Variants in ABAT observed in about 807,000 individuals in gnomAD.
ABAT encodes 4-aminobutyrate aminotransferase, mitochondrial.
In ABAT, 45 loss-of-function variants were observed where a neutral mutation model predicts 64.6. The ratio of observed to expected loss-of-function variants is 0.70; its 90% CI spans 0.55 to 0.89. ABAT has a LOEUF of 0.89. Ranked by LOEUF, ABAT falls within the 40% of genes least tolerant of loss-of-function variation. The pLI is 0.00. For missense variants in ABAT, 633 were observed against 658.4 expected (o/e 0.96, Z 0.42); for synonymous variants, 297 against 250.5 (o/e 1.19, Z -1.75).
chr16:8,744,239 C>T (rs1416957094), intron 2 of ABAT, among the ~76,000 whole-genome samples: 1 of 152,106 alleles, frequency 6.6e-6, no homozygotes, highest in Non-Finnish European at 1.5e-5. Context: ...TTACAGGAAG[C>T]ATGATGCTGG....
intron 6 of ABAT, chr16:8,760,258 C>G (rs1272896156): frequency 6.6e-6 from 1 of 152,236 alleles, no homozygotes; most frequent in Non-Finnish European, 1.5e-5. Context: ...CACATCCTCG[C>G]CAACACGGGG....
chr16:8,742,621 T>C (rs2059194652), intron 2 of ABAT, among the ~76,000 whole-genome samples: 1 of 151,812 alleles, frequency 6.6e-6, no homozygotes, highest in African/African-American at 2.4e-5. Context: ...TCCCAGCACT[T>C]TGGGGGGCCA....
At chr16:8,699,353 G>C (rs8052707) in intron 1 of ABAT, among the ~76,000 whole-genome samples, 1 of 151,864 alleles carries the variant, frequency 6.6e-6, no homozygotes. Context: ...GATCACCTAA[G>C]GTCAGGAGTT....
intron 6 of ABAT, 76 bp from the exon 7 acceptor site, chr16:8,763,993 A>G (rs910882777): frequency 1.6e-6 from 2 of 1,279,326 alleles, no homozygotes; most frequent in Admixed American, 3.4e-5. Flanking sequence ...CACAGGGGCT[A>G]TGAAAAGCAC....
chr16:8,686,610 A>C (rs2057462011), intron 1 of ABAT, among the ~76,000 whole-genome samples: 1 of 152,186 alleles, frequency 6.6e-6, no homozygotes. Context: ...AGGAAATGGA[A>C]ACTCAGAAAG....
chr16:8,780,354 C>G (rs2143005082), intron 15 of ABAT: 1 of 155,440 alleles, frequency 6.4e-6, no homozygotes, highest in Admixed American at 6.2e-5. Context: ...AGCACGTACT[C>G]TATGTCAGGC....
At chr16:8,769,035 G>C (rs1257885702) in intron 11 of ABAT, 62 bp downstream of exon 11, 8 of 1,607,132 alleles carry the variant, frequency 5.0e-6, no homozygotes, top group Non-Finnish European at 6.0e-6. Context: ...GCCGCCCCAA[G>C]ACTTGGGGAG....
intron 9 of ABAT, 44 bp from the exon 10 acceptor site, chr16:8,768,149 C>T (rs766162227): frequency 1.3e-6 from 2 of 1,583,358 alleles, no homozygotes; most frequent in Non-Finnish European, 8.7e-7. Flanking sequence ...ACAGTTCCCC[C>T]ATCCTTACAA....
intron 1 of ABAT, among the ~76,000 whole-genome samples, chr16:8,712,617 G>A (rs2058101406): frequency 1.3e-5 from 2 of 152,166 alleles, no homozygotes; most frequent in African/African-American, 4.8e-5. Flanking sequence ...TCTGCTTTGT[G>A]GAGTCCCCTT....
chr16:8,779,747 C>G (rs899792275), intron 15 of ABAT, among the ~76,000 whole-genome samples, 157 bp downstream of exon 15: 2 of 152,142 alleles, frequency 1.3e-5, no homozygotes, highest in Non-Finnish European at 2.9e-5. Flanking sequence ...AAGAAGAGAA[C>G]ATTACAAATG....
chr16:8,769,550 C>A (rs1026723642), intron 11 of ABAT, among the ~76,000 whole-genome samples: 8 of 116,398 alleles, frequency 6.9e-5, no homozygotes, highest in African/African-American at 1.4e-4. Context: ...CGGAGTGAGA[C>A]TCTGTCCAAA....
chr16:8,686,785 A>G (rs1468076495), intron 1 of ABAT, among the ~76,000 whole-genome samples: 2 of 152,320 alleles, frequency 1.3e-5, no homozygotes, highest in East Asian at 3.9e-4. Flanking sequence ...CAAAGGGTGC[A>G]ATAATGTCTT....
At chr16:8,751,231 G>A (rs1315678428) in intron 5 of ABAT, among the ~76,000 whole-genome samples, 1 of 152,062 alleles carries the variant, frequency 6.6e-6, no homozygotes, top group Admixed American at 6.6e-5. Flanking sequence ...TTACAGGTGT[G>A]AGCCACTATA....
intron 14 of ABAT, among the ~76,000 whole-genome samples, chr16:8,778,050 C>A (rs985191192): frequency 2.6e-5 from 4 of 152,184 alleles, no homozygotes; most frequent in African/African-American, 9.7e-5. Context: ...CAATGAGCTG[C>A]CGTGAAATAA....
At chr16:8,737,246 G>C (rs777787887) in intron 2 of ABAT, 5 of 151,948 alleles carry the variant, frequency 3.3e-5, no homozygotes, top group Middle Eastern at 6.8e-3. Flanking sequence ...TGGGAGGCGA[G>C]GTGGGCAGAT....
intron 1 of ABAT, among the ~76,000 whole-genome samples, chr16:8,684,230 C>A (rs1641113): frequency 6.6e-6 from 1 of 151,890 alleles, no homozygotes; most frequent in Non-Finnish European, 1.5e-5. Flanking sequence ...GCATCATGAA[C>A]AGGCCCAGAG....
chr16:8,721,455 C>G (rs2058369397), intron 1 of ABAT, among the ~76,000 whole-genome samples: 1 of 152,194 alleles, frequency 6.6e-6, no homozygotes, highest in Admixed American at 6.5e-5. Context: ...CCTACTTAGT[C>G]TGGGTGGGGC....
At chr16:8,747,410 G>C (rs1434624618) in intron 3 of ABAT, among the ~76,000 whole-genome samples, 1 of 151,974 alleles carries the variant, frequency 6.6e-6, no homozygotes, top group African/African-American at 2.4e-5. Context: ...AGTTATTTTG[G>C]ATAGTGTTTT....
chr16:8,735,597 G>A, intron 1 of ABAT, 102 bp from the exon 2 acceptor site: 3 of 984,458 alleles, frequency 3.0e-6, no homozygotes, highest in South Asian at 1.4e-5. Context: ...GACAATGTCA[G>A]AAGAACTTTC....
Sources: allele counts gnomAD v4.1 joint callset (sites outside exome capture counted in the v4.1 genomes callset), GRCh38; gene constraint gnomAD v4.1.1; transcripts MANE v1.5; gene names NCBI Gene and HGNC (gene_info 2026-07-23, HGNC 2026-07-21).